Variants in OPCML observed in about 807,000 individuals in gnomAD.
OPCML encodes the protein opioid binding protein/cell adhesion molecule like, also known as opioid-binding protein/cell adhesion molecule.
A neutral mutation model predicts 37.8 loss-of-function variants in OPCML; 13 were observed. That is an observed-to-expected ratio of 0.34 (90% CI 0.22 to 0.55). The LOEUF is 0.55. OPCML is among the 20% of genes least tolerant of loss of function. The pLI is 0.91. For synonymous variants in OPCML, 176 were observed against 168.8 expected, an observed-to-expected ratio of 1.04 and a Z score of -0.33; for missense variants, 341 against 435.6, an observed-to-expected ratio of 0.78 and a Z score of 1.93.
At chr11:132,701,256 T>A (rs776106483) in intron 2 of OPCML, among the ~76,000 whole-genome samples, 15 of 152,136 alleles carry the variant, frequency 9.9e-5, no homozygotes, top group Admixed American at 2.0e-4. Context: ...AACCATCAGA[T>A]CTCATGAGAC....
rs541322933 is a variant in OPCML at position 132,561,332 on chromosome 11, G to A, written c.380-32146C>T. On this transcript the variant is annotated intron_variant, in intron 3 of 7. Transcript: ENST00000524381. ...TATTTCTAAGCCACTATTAAGTTGT[G>A]CTTCTTAAAATCCTTTCCTGGGTCC... is the stretch of plus-strand genomic sequence containing the variant. Among the ~76,000 whole-genome samples, 76 of 152,276 alleles carry A rather than the reference G, an allele frequency of 5.0e-4. 1 individual carries two copies. The highest frequency in any genetic ancestry group is 1.8e-3 in the African/African-American group (73 of 41,552).
chr11:133,383,169 A>G (rs574232505), intron 1 of OPCML, among the ~76,000 whole-genome samples: 117 of 152,050 alleles, frequency 7.7e-4, no homozygotes, highest in Non-Finnish European at 1.3e-3. Flanking sequence ...CGCCTCATCA[A>G]TGCTGCCTCT....
At chr11:132,905,153 C>T (rs192382112) in intron 2 of OPCML, among the ~76,000 whole-genome samples, 2 of 151,502 alleles carry the variant, frequency 1.3e-5, no homozygotes, top group Admixed American at 1.3e-4. Flanking sequence ...TAATGAGGCT[C>T]AGCTGTGTTA....
intron 1 of OPCML, among the ~76,000 whole-genome samples, chr11:132,979,662 A>G (rs1032205122): frequency 6.6e-6 from 1 of 152,196 alleles, no homozygotes; most frequent in Admixed American, 6.5e-5. Context: ...ATTTATTGTT[A>G]TTTCTACTAG....
intron 1 of OPCML, among the ~76,000 whole-genome samples, chr11:133,523,955 C>T (rs899185535): frequency 6.6e-6 from 1 of 152,220 alleles, no homozygotes; most frequent in Non-Finnish European, 1.5e-5. Context: ...CACACACCTC[C>T]CCTTCCATAG....
In OPCML at chr11:132,436,254, A is replaced by G; in HGVS notation, c.765-17T>C. 6.2e-7 allele frequency: 1 copy of G among 1,614,112 alleles called. No homozygotes were observed. Among genetic ancestry groups the G allele is most frequent in the Non-Finnish European group, 8.5e-7 (1 of 1,180,012 alleles). On this transcript the variant is annotated splice_polypyrimidine_tract_variant and intron_variant, in intron 6 of 7. Transcript: ENST00000524381. ...GTGGCTAACCTGCAAGAGGGAAGAC[A>G]TTGCTATCAATTCATTCTACAAAGA... is the stretch of plus-strand genomic sequence containing the variant.
At chr11:132,598,328 C>G (rs2096495706) in intron 3 of OPCML, among the ~76,000 whole-genome samples, 1 of 152,120 alleles carries the variant, frequency 6.6e-6, no homozygotes, top group South Asian at 2.1e-4. Context: ...TAAAAATTAT[C>G]TTTGCATTGT....
chr11:133,054,744 G>A (rs1436134541), intron 1 of OPCML, among the ~76,000 whole-genome samples: 6 of 152,200 alleles, frequency 3.9e-5, no homozygotes, highest in African/African-American at 1.4e-4. Context: ...GAGACCTGAA[G>A]TTGAGAAACA....
At chr11:133,080,746 T>C (rs1253424767) in intron 1 of OPCML, among the ~76,000 whole-genome samples, 6 of 152,196 alleles carry the variant, frequency 3.9e-5, no homozygotes, top group African/African-American at 1.4e-4. Flanking sequence ...CTCTTGTCGC[T>C]ATGAAGGAGC....
At chr11:132,496,760 C>T (rs1044930732) in intron 4 of OPCML, among the ~76,000 whole-genome samples, 3 of 152,202 alleles carry the variant, frequency 2.0e-5, no homozygotes, top group African/African-American at 7.2e-5. Context: ...CTAAGAGAGT[C>T]TCAACCCAAT....
intron 1 of OPCML, among the ~76,000 whole-genome samples, chr11:133,227,227 C>T (rs558571180): frequency 6.6e-6 from 1 of 152,248 alleles, no homozygotes; most frequent in South Asian, 2.1e-4. Context: ...TGTTTCACCC[C>T]AGCCGCACCC....
At chr11:132,963,983 G>T (rs996488519) in intron 1 of OPCML, among the ~76,000 whole-genome samples, 15 of 152,028 alleles carry the variant, frequency 9.9e-5, no homozygotes, top group African/African-American at 3.6e-4. Flanking sequence ...GAATGTATAC[G>T]GCAGGTCAGG....
intron 2 of OPCML, among the ~76,000 whole-genome samples, chr11:132,663,166 CAT>C (rs1311948824): frequency 6.6e-6 from 1 of 152,322 alleles, no homozygotes; most frequent in South Asian, 2.1e-4. Context: ...TTTATACTCT[CAT>C]GTGTTAAACT....
chr11:133,024,561 A>G (rs1195935985), intron 1 of OPCML: 13 of 985,348 alleles, frequency 1.3e-5, no homozygotes, highest in Non-Finnish European at 1.4e-5. Context: ...TTCATGTACA[A>G]CAAAGAACTA....
At chr11:132,884,185 T>C (rs1332070731) in intron 2 of OPCML, among the ~76,000 whole-genome samples, 1 of 152,144 alleles carries the variant, frequency 6.6e-6, no homozygotes, top group African/African-American at 2.4e-5. Context: ...AGTAGAAGGT[T>C]AACGATTGTC....
At chr11:133,248,288 A>C (rs571172806) in intron 1 of OPCML, among the ~76,000 whole-genome samples, 2 of 152,344 alleles carry the variant, frequency 1.3e-5, no homozygotes, top group South Asian at 4.1e-4. Flanking sequence ...TGGACACATT[A>C]GTGGAGTTAG....
intron 2 of OPCML, among the ~76,000 whole-genome samples, chr11:132,765,743 T>C (rs1475138595): frequency 1.3e-5 from 2 of 152,194 alleles, no homozygotes; most frequent in Non-Finnish European, 2.9e-5. Context: ...AAAAATATCT[T>C]GTGTCTCCCT....
chr11:133,078,103 A>C (rs895361340), intron 1 of OPCML, among the ~76,000 whole-genome samples: 4 of 152,184 alleles, frequency 2.6e-5, no homozygotes, highest in African/African-American at 9.7e-5. Flanking sequence ...CTGAAGTGGG[A>C]ATCTGCAAAG....
At chr11:133,364,545 G>A (rs550800981) in intron 1 of OPCML, among the ~76,000 whole-genome samples, 4 of 152,136 alleles carry the variant, frequency 2.6e-5, no homozygotes, top group South Asian at 2.1e-4. Flanking sequence ...CAGTGATTGC[G>A]TGATTATGGA....
Sources: gnomAD v4.1 joint callset for allele counts (sites outside exome capture counted in the v4.1 genomes callset) on GRCh38, gnomAD v4.1.1 for gene constraint, MANE v1.5 for transcripts, NCBI Gene and HGNC (gene_info 2026-07-23, HGNC 2026-07-21) for gene names.